Variants in ADM2 observed in about 807,000 individuals in gnomAD.
ADM2 encodes adrenomedullin 2.
Under a neutral mutation model 7.1 loss-of-function variants are expected in ADM2, and 5 were observed. The observed-to-expected ratio is 0.71, with a 90% CI of 0.37 to 1.49. The LOEUF (loss-of-function observed/expected upper bound fraction) is 1.49. Ranked by LOEUF, ADM2 falls within the 40% of genes most tolerant of loss-of-function variation. ADM2 has a pLI of 0.03. For synonymous variants in ADM2, 123 were observed against 92.8 expected, an observed-to-expected ratio of 1.33 and a Z score of -1.87; for missense variants, 236 against 211.2, an observed-to-expected ratio of 1.12 and a Z score of -0.73.
Position 50,484,267 on chromosome 22 carries a change from T to TA in ADM2, c.*1364_*1365insA, listed in dbSNP as rs2068236532. ...AGGCTGGTCCTGCCCTGTGGAGGCC[T>TA]CCGTGCACTGAGAGATGTACTAGGA... On this transcript the variant is annotated 3_prime_UTR_variant, in exon 3 of 3. Transcript: ENST00000395737. The TA allele has an allele frequency of 6.6e-6, 1 of 152,462 alleles. No individual in the cohort carries two copies. 9.4% of individuals were successfully genotyped at this position (152,462 alleles called of 1,614,324 possible).
Position 50,483,180 on chromosome 22 carries a change from G to T in ADM2, c.*277G>T. 1.5e-6 allele frequency: 1 copy of T among 653,226 alleles called. No homozygotes were observed. The highest frequency in any genetic ancestry group is 2.8e-6 in the Non-Finnish European group (1 of 354,212). The allele number at this position is 653,226 out of a possible 1,614,324, so 40.5% of individuals were successfully genotyped here. A position where few individuals can be genotyped will look rare whatever the true frequency, so the allele number is the denominator to read the frequency against. On this transcript the variant is annotated 3_prime_UTR_variant, in exon 3 of 3. Transcript: ENST00000395737. ...ACCAGATGCTAAGCGCTTCAGAGAG[G>T]AGGTGTCTGCCCAGAGATGTGGAGC... is the stretch of plus-strand genomic sequence containing the variant.
At position 50,482,787 on chromosome 22, in the gene ADM2, G is replaced by A; in HGVS notation, c.331G>A (p.Val111Met). 2 of 1,608,276 alleles carry A rather than the reference G, an allele frequency of 1.2e-6. No individual in the cohort carries two copies. Among genetic ancestry groups the A allele is most frequent in the Non-Finnish European group, 1.7e-6 (2 of 1,179,270 alleles). Residue 111 changes from valine (V) to methionine (M), a missense_variant, in exon 3 of 3, where the codon GTG becomes ATG. Coordinates refer to ENST00000395737, the MANE Select transcript of ADM2 (RefSeq NM_001253845.2). Reference protein sequence around the residue: ...TQAQLLRVGCVLGTCQVQNLS... With the variant: ...TQAQLLRVGCMLGTCQVQNLS... ...AGCCCAGCTCCTGCGAGTGGGCTGT[G>A]TGCTGGGCACCTGCCAGGTGCAGAA...
In ADM2 at chr22:50,483,414, G is replaced by T. The variant is rs1247036902; in HGVS notation, c.*511G>T. On this transcript the variant is annotated 3_prime_UTR_variant, in exon 3 of 3. Coordinates refer to ENST00000395737, the MANE Select transcript of ADM2 (RefSeq NM_001253845.2). ...AGCGTGGGATGCTGTAGCCCCCGGG[G>T]TTGGGCAAGGGAAGGATGGTGGCCC... 1 of 389,020 alleles carries T rather than the reference G, an allele frequency of 2.6e-6. No individual in the cohort carries two copies. The highest frequency in any genetic ancestry group is 2.8e-5 in the Admixed American group (1 of 35,388). The allele number at this position is 389,020 out of a possible 1,614,324, so 24.1% of individuals were successfully genotyped here.
Sources: gnomAD v4.1 joint callset for allele counts on GRCh38, gnomAD v4.1.1 for gene constraint, MANE v1.5 for transcripts, NCBI Gene and HGNC (gene_info 2026-07-23, HGNC 2026-07-21) for gene names.